LAMC2: variants seen among roughly 807,000 people sequenced by gnomAD.
The protein encoded by LAMC2 is laminin subunit gamma 2.
In LAMC2, 97 loss-of-function variants were observed where a neutral mutation model predicts 140.2. That is an observed-to-expected ratio of 0.69 (90% CI 0.59 to 0.82). The LOEUF is 0.82. LAMC2 is among the 40% of genes least tolerant of loss of function. The pLI is 0.00. For missense variants in LAMC2, 1,402 were observed against 1,476.1 expected, an observed-to-expected ratio of 0.95 and a Z score of 0.82; for synonymous variants, 513 against 540.2, an observed-to-expected ratio of 0.95 and a Z score of 0.70.
chr1:183,198,910 A>T lies in LAMC2; in HGVS notation c.80-8971A>T, dbSNP rs565926490. 3.3e-5 allele frequency among the ~76,000 whole-genome samples: 5 copies of T among 152,056 alleles called. No homozygotes were observed. The South Asian group carries it at 8.3e-4, about 25-fold the overall frequency. The stretch of plus-strand genomic sequence containing the variant: ...GACCCTTAATCTCATTGAAAATCTC[A>T]TGTTCCTCTCACAATTCTTTCTGTT... On this transcript the variant is annotated intron_variant, in intron 1 of 22. Coordinates refer to ENST00000264144, the MANE Select transcript of LAMC2 (RefSeq NM_005562.3).
the LAMC2 span, among the ~76,000 whole-genome samples, chr1:183,257,622 A>T: frequency 6.6e-6 from 1 of 152,270 alleles, no homozygotes; most frequent in Non-Finnish European, 1.5e-5. Flanking sequence ...AAAGGAATTT[A>T]TCCCTGCCCT....
intron 7 of LAMC2, 21 bp downstream of exon 7, chr1:183,223,345 T>C (rs1168035395): frequency 6.2e-7 from 1 of 1,606,572 alleles, no homozygotes; most frequent in Admixed American, 1.7e-5. Flanking sequence ...AGACCATAAG[T>C]AGGTCAATTA....
Position 183,226,891 on chromosome 1 carries a change from G to A in LAMC2, c.1260G>A (p.Gly420=). 6.2e-7 allele frequency: 1 copy of A among 1,614,072 alleles called. No individual in the cohort carries two copies. Among genetic ancestry groups the A allele is most frequent in the Non-Finnish European group, 8.5e-7 (1 of 1,179,966 alleles). The change falls in exon 9 of 23, where the codon GGG becomes GGA. Residue 420 remains glycine, a synonymous_variant. Transcript: ENST00000264144. ...FGTCIPCNCQ[G]GGACDPDTGD... ...CCTGTATTCCTTGTAACTGTCAAGG[G>A]GGAGGGGCCTGTGATCCAGACACAG...
chr1:183,200,483 A>G (rs1183427248), intron 1 of LAMC2, among the ~76,000 whole-genome samples: 1 of 152,228 alleles, frequency 6.6e-6, no homozygotes, highest in African/African-American at 2.4e-5. Flanking sequence ...TGTATGCCTC[A>G]AAAGGGCACT....
intron 8 of LAMC2, among the ~76,000 whole-genome samples, chr1:183,226,025 C>T (rs1659614485): frequency 6.6e-6 from 1 of 152,126 alleles, no homozygotes; most frequent in South Asian, 2.1e-4. Context: ...GACACATTTC[C>T]TTAGCTAGGA....
At chr1:183,231,748 C>G (rs1159510217) in intron 12 of LAMC2, among the ~76,000 whole-genome samples, 2 of 152,190 alleles carry the variant, frequency 1.3e-5, no homozygotes, top group African/African-American at 2.4e-5. Context: ...AAACAGAACT[C>G]CAAATGTAGA....
chr1:183,242,596 G>T (rs1028657312), intron 22 of LAMC2, among the ~76,000 whole-genome samples: 2 of 152,170 alleles, frequency 1.3e-5, no homozygotes, highest in African/African-American at 4.8e-5. Flanking sequence ...GCTGTTTCAG[G>T]CTGGAATGAT....
the LAMC2 span, among the ~76,000 whole-genome samples, chr1:183,255,126 T>C: frequency 2.0e-5 from 3 of 152,244 alleles, no homozygotes; most frequent in African/African-American, 7.2e-5. Flanking sequence ...TTTCATTCTT[T>C]TGCCTGTAGA....
chr1:183,213,132 T>C (rs576433363), intron 2 of LAMC2, among the ~76,000 whole-genome samples: 3 of 152,372 alleles, frequency 2.0e-5, no homozygotes, highest in East Asian at 1.9e-4. Flanking sequence ...ATGCAGAAAT[T>C]GATCTGTTAT....
At chr1:183,217,280 G>T (rs1053714309) in intron 3 of LAMC2, among the ~76,000 whole-genome samples, 1 of 152,152 alleles carries the variant, frequency 6.6e-6, no homozygotes, top group African/African-American at 2.4e-5. Flanking sequence ...GACAGAAGCA[G>T]GGATGGATGA....
Position 183,222,040 on chromosome 1 carries a change from T to C in LAMC2, c.641-49T>C, listed in dbSNP as rs762432596. ...GCAAATCTTTCTTTGTTTAACTTAA[T>C]AGATGATGAGGGCTTGTCCAATGCA... On this transcript the variant is annotated intron_variant, in intron 5 of 22. Transcript: ENST00000264144. The C allele has an allele frequency of 5.0e-6, 8 of 1,613,054 alleles. No homozygotes were observed. In the Admixed American group the frequency reaches 5.0e-5, roughly 10 times the overall value.
the LAMC2 span, chr1:183,251,265 A>C: frequency 2.0e-5 from 3 of 152,288 alleles, no homozygotes; most frequent in Non-Finnish European, 4.4e-5. Flanking sequence ...AGGGGCTAGA[A>C]CCAACCACAG....
At chr1:183,232,144 C>T in intron 12 of LAMC2, 43 bp from the exon 13 acceptor site, 1 of 1,610,548 alleles carries the variant, frequency 6.2e-7, no homozygotes, top group Admixed American at 1.7e-5. Flanking sequence ...CCCTTGGGTA[C>T]ATGGTCTCCA....
intron 1 of LAMC2, among the ~76,000 whole-genome samples, chr1:183,192,290 G>A (rs1377053177): frequency 6.6e-6 from 1 of 152,078 alleles, no homozygotes; most frequent in Non-Finnish European, 1.5e-5. Context: ...GTGGGGATAT[G>A]TATCTCCGCA....
chr1:183,247,322 C>CAAAACA (rs1269227496), downstream of LAMC2, among the ~76,000 whole-genome samples: 3 of 151,704 alleles, frequency 2.0e-5, no homozygotes, highest in Non-Finnish European at 4.4e-5. Flanking sequence ...CGAAACAAAA[C>CAAAACA]AAAACAAAAA....
At chr1:183,217,110 G>A (rs1432680770) in intron 3 of LAMC2, among the ~76,000 whole-genome samples, 1 of 152,176 alleles carries the variant, frequency 6.6e-6, no homozygotes, top group Non-Finnish European at 1.5e-5. Context: ...GACTGGATGA[G>A]GAATGTGAGG....
Position 183,237,277 on chromosome 1 carries a change from G to A in LAMC2, c.2602-75G>A, listed in dbSNP as rs1033198286. On this transcript the variant is annotated intron_variant, in intron 17 of 22. Coordinates refer to ENST00000264144, the MANE Select transcript of LAMC2 (RefSeq NM_005562.3). ...AGGCTGTTGCTATTTTCAAACAATG[G>A]TGCCAGGTCCTAACAAGGCTGGTGT... The A allele has an allele frequency of 3.9e-6, 6 of 1,525,776 alleles. No homozygotes were observed. In the African/African-American group the frequency reaches 5.5e-5, roughly 14 times the overall value. 94.5% of individuals were successfully genotyped at this position (1,525,776 alleles called of 1,614,324 possible). A position where few individuals can be genotyped will look rare whatever the true frequency, so the allele number is the denominator to read the frequency against.
chr1:183,207,960 C>T lies in LAMC2; in HGVS notation c.159C>T (p.Cys53=). 1 of 1,613,772 alleles carries T rather than the reference C, an allele frequency of 6.2e-7. No homozygotes were observed. Residue 53 remains cysteine (C), a synonymous_variant, in exon 2 of 23, where the codon TGC becomes TGT. Transcript: ENST00000264144. ...LHRQTGNGFR[C]LNCNDNTDGI... ...GACAAACTGGTAATGGATTCCGCTG[C>T]CTCAACTGCAATGACAACACTGATG...
At chr1:183,207,195 G>A (rs1467727872) in intron 1 of LAMC2, among the ~76,000 whole-genome samples, 1 of 152,166 alleles carries the variant, frequency 6.6e-6, no homozygotes, top group Admixed American at 6.5e-5. Context: ...GTGTCTCAGT[G>A]TGCCGGGTAC....
Sources: allele counts gnomAD v4.1 joint callset (sites outside exome capture counted in the v4.1 genomes callset), GRCh38; gene constraint gnomAD v4.1.1; transcripts MANE v1.5; gene names NCBI Gene and HGNC (gene_info 2026-07-23, HGNC 2026-07-21).